The following GUCY1A2 variants were observed in gnomAD, a reference collection of about 807,000 sequenced individuals.
GUCY1A2 encodes the protein guanylate cyclase 1 soluble subunit alpha 2, also known as guanylate cyclase soluble subunit alpha-2.
Under a neutral mutation model 63.5 loss-of-function variants are expected in GUCY1A2, and 27 were observed. The ratio of observed to expected loss-of-function variants is 0.43; its 90% CI spans 0.31 to 0.59. GUCY1A2 has a LOEUF of 0.59. GUCY1A2 is among the 20% of genes least tolerant of loss of function. The probability of loss-of-function intolerance (pLI) is 0.11; values close to 1 mark genes in which losing one functional copy is unlikely to be tolerated. For missense variants in GUCY1A2, 768 were observed against 913.3 expected, an observed-to-expected ratio of 0.84 and a Z score of 2.05; for synonymous variants, 364 against 343.5, an observed-to-expected ratio of 1.06 and a Z score of -0.66.
intron 3 of GUCY1A2, among the ~76,000 whole-genome samples, chr11:106,946,404 A>G (rs1860829663): frequency 1.3e-5 from 2 of 152,308 alleles, no homozygotes; most frequent in South Asian, 2.1e-4. Flanking sequence ...AGAAAATCAT[A>G]TAGCTCACGG....
At chr11:106,923,598 CAT>C (rs1410667300) in intron 4 of GUCY1A2, among the ~76,000 whole-genome samples, 2 of 150,950 alleles carry the variant, frequency 1.3e-5, no homozygotes, top group African/African-American at 4.9e-5. Context: ...TTTTTTAAAA[CAT>C]ATGACAAAAA....
At chr11:106,911,600 T>A (rs1860295042) in intron 4 of GUCY1A2, among the ~76,000 whole-genome samples, 1 of 152,006 alleles carries the variant, frequency 6.6e-6, no homozygotes, top group African/African-American at 2.4e-5. Context: ...AATTTTAAAA[T>A]CCCAAGAGAT....
chr11:107,007,903 CTTTAGG>C lies in GUCY1A2; in HGVS notation c.303+9844_303+9849del, dbSNP rs1555060989. ...CCCTCTAGCTTACAGATACACATTT[CTTTAGG>C]AGATAATATAGACACCCTTGTAAGT... On this transcript the variant is annotated intron_variant, in intron 1 of 7. Coordinates refer to ENST00000526355, the MANE Select transcript of GUCY1A2 (RefSeq NM_000855.3). 9.5e-4 allele frequency among the ~76,000 whole-genome samples: 138 copies of C among 144,516 alleles called. 4 individuals are homozygous for C. In the East Asian group the frequency reaches 0.01, roughly 11 times the overall value. 94.8% of individuals were successfully genotyped at this position (144,516 alleles called of 152,430 possible). A position where few individuals can be genotyped will look rare whatever the true frequency, so the allele number is the denominator to read the frequency against.
chr11:106,927,496 GACATAGAATGTAA>G (rs1257163196), intron 4 of GUCY1A2, among the ~76,000 whole-genome samples: 4 of 152,026 alleles, frequency 2.6e-5, no homozygotes, highest in African/African-American at 9.7e-5. Context: ...TTTTTGAGTT[GACATAGAATGTAA>G]ACATTGTACA....
intron 6 of GUCY1A2, among the ~76,000 whole-genome samples, chr11:106,775,159 A>G (rs981112673): frequency 2.0e-5 from 3 of 152,156 alleles, no homozygotes; most frequent in African/African-American, 7.2e-5. Flanking sequence ...ATACTATGAA[A>G]CTGCAAATTT....
At chr11:106,952,888 T>G (rs964239759) in intron 3 of GUCY1A2, among the ~76,000 whole-genome samples, 3 of 152,038 alleles carry the variant, frequency 2.0e-5, no homozygotes, top group Non-Finnish European at 4.4e-5. Flanking sequence ...GATCTGCCTA[T>G]CTCAGCCTCC....
chr11:106,971,221 G>A (rs1861190377), intron 3 of GUCY1A2, among the ~76,000 whole-genome samples: 1 of 147,630 alleles, frequency 6.8e-6, no homozygotes, highest in East Asian at 2.0e-4. Flanking sequence ...AAATTTAAAT[G>A]TGTGTGTGTG....
intron 1 of GUCY1A2, among the ~76,000 whole-genome samples, chr11:107,004,033 G>T (rs903391105): frequency 2.6e-5 from 4 of 152,106 alleles, no homozygotes; most frequent in Non-Finnish European, 5.9e-5. Context: ...ATTAATCATG[G>T]GAATGGGGCA....
chr11:106,769,812 T>C (rs1864224901), intron 6 of GUCY1A2, among the ~76,000 whole-genome samples: 1 of 152,148 alleles, frequency 6.6e-6, no homozygotes, highest in Admixed American at 6.5e-5. Flanking sequence ...ACAGTAATTT[T>C]ATATAATGCC....
chr11:106,853,806 T>A (rs1447292038), intron 4 of GUCY1A2, among the ~76,000 whole-genome samples: 1 of 152,194 alleles, frequency 6.6e-6, no homozygotes, highest in East Asian at 1.9e-4. Flanking sequence ...GGGAAAGATT[T>A]TTTTCCCTGT....
chr11:106,866,103 G>A (rs1859588654), intron 4 of GUCY1A2, among the ~76,000 whole-genome samples: 1 of 151,938 alleles, frequency 6.6e-6, no homozygotes, highest in Non-Finnish European at 1.5e-5. Context: ...AAGAAGCAGT[G>A]TATGTGGTGC....
intron 1 of GUCY1A2, among the ~76,000 whole-genome samples, chr11:106,993,315 T>C (rs964360437): frequency 2.6e-5 from 4 of 152,176 alleles, no homozygotes; most frequent in Non-Finnish European, 5.9e-5. Flanking sequence ...ATTATAATCT[T>C]AGATATGCTT....
chr11:106,881,267 C>T (rs1859819546), intron 4 of GUCY1A2, among the ~76,000 whole-genome samples: 2 of 152,008 alleles, frequency 1.3e-5, no homozygotes, highest in South Asian at 4.1e-4. Flanking sequence ...TAGCCACACT[C>T]CAAATGTTCA....
At chr11:106,780,958 G>A (rs1170033376) in intron 5 of GUCY1A2, among the ~76,000 whole-genome samples, 1 of 151,926 alleles carries the variant, frequency 6.6e-6, no homozygotes, top group East Asian at 1.9e-4. Flanking sequence ...TTAAATATAT[G>A]TGGAAGTGTT....
chr11:106,942,862 T>C (rs1860769465), intron 3 of GUCY1A2, among the ~76,000 whole-genome samples: 1 of 152,218 alleles, frequency 6.6e-6, no homozygotes, highest in South Asian at 2.1e-4. Context: ...AAAGGACCTC[T>C]GTACTTTAAG....
intron 6 of GUCY1A2, among the ~76,000 whole-genome samples, chr11:106,732,764 T>G (rs530006017): frequency 6.6e-6 from 1 of 152,290 alleles, no homozygotes; most frequent in South Asian, 2.1e-4. Flanking sequence ...TATGATTGAC[T>G]CATTTGTGAA....
At chr11:107,009,298 G>GT (rs1411691786) in intron 1 of GUCY1A2, among the ~76,000 whole-genome samples, 3 of 152,072 alleles carry the variant, frequency 2.0e-5, no homozygotes, top group African/African-American at 7.2e-5. Context: ...ATTCAGATCT[G>GT]TTTTTTCTCC....
intron 5 of GUCY1A2, among the ~76,000 whole-genome samples, chr11:106,781,112 C>CAAAAAAA (rs565279937): frequency 8.2e-4 from 73 of 88,754 alleles, no homozygotes; most frequent in South Asian, 1.2e-3. Context: ...AAACAGACTA[C>CAAAAAAA]AAAAAAAAAA....
intron 6 of GUCY1A2, among the ~76,000 whole-genome samples, chr11:106,775,436 A>AT (rs1196895913): frequency 1.3e-5 from 2 of 150,114 alleles, no homozygotes; most frequent in African/African-American, 4.9e-5. Context: ...TCCTTCTATC[A>AT]TTGCTAATAA....
Sources: allele counts gnomAD v4.1 joint callset (sites outside exome capture counted in the v4.1 genomes callset), GRCh38; gene constraint gnomAD v4.1.1; transcripts MANE v1.5; gene names NCBI Gene and HGNC (gene_info 2026-07-23, HGNC 2026-07-21).